LOXHD1: variants seen among roughly 807,000 people sequenced by gnomAD.
LOXHD1 encodes the protein lipoxygenase homology domain-containing protein 1.
Under a neutral mutation model 248.2 loss-of-function variants are expected in LOXHD1, and 205 were observed. That is an observed-to-expected ratio of 0.83 (90% confidence interval 0.74 to 0.93). The LOEUF is 0.93. Among genes scored for constraint, LOXHD1 ranks in the 40% least tolerant of loss-of-function variants. The probability of loss-of-function intolerance (pLI) is 0.00; values close to 1 mark genes in which losing one functional copy is unlikely to be tolerated. For synonymous variants in LOXHD1, 1,113 were observed against 1,162.8 expected, an observed-to-expected ratio of 0.96 and a Z score of 0.87; for missense variants, 2,930 against 2,971.6, an observed-to-expected ratio of 0.99 and a Z score of 0.33.
At chr18:46,606,715 C>A (rs907138829) in intron 6 of LOXHD1, among the ~76,000 whole-genome samples, 1 of 151,968 alleles carries the variant, frequency 6.6e-6, no homozygotes, top group African/African-American at 2.4e-5. Flanking sequence ...TATATTCAAC[C>A]TGTATAGCAT....
chr18:46,631,471 C>G (rs2038821559), intron 4 of LOXHD1, among the ~76,000 whole-genome samples: 1 of 152,160 alleles, frequency 6.6e-6, no homozygotes, highest in Non-Finnish European at 1.5e-5. Context: ...GTGGCACAGA[C>G]TTTCCTCACA....
intron 34 of LOXHD1, among the ~76,000 whole-genome samples, chr18:46,517,445 T>C (rs2035313995): frequency 1.3e-5 from 2 of 152,190 alleles, no homozygotes; most frequent in Non-Finnish European, 2.9e-5. Flanking sequence ...GGGATGATAA[T>C]AATTGGGTTA....
At chr18:46,498,527 T>A (rs2034019276) in intron 37 of LOXHD1, among the ~76,000 whole-genome samples, 3 of 152,232 alleles carry the variant, frequency 2.0e-5, no homozygotes. Context: ...ATTCTGTCTC[T>A]GAATGCTCTA....
chr18:46,633,494 T>C (rs1048734814), intron 4 of LOXHD1, among the ~76,000 whole-genome samples: 1 of 152,122 alleles, frequency 6.6e-6, no homozygotes, highest in Non-Finnish European at 1.5e-5. Context: ...AAGACCTAAA[T>C]GTAACAACAA....
At position 46,566,413 on chromosome 18, in the gene LOXHD1, T is replaced by A; in HGVS notation, c.2281A>T (p.Met761Leu). Residue 761 changes from methionine to leucine, a missense_variant, in exon 17 of 41, where the codon ATG becomes TTG. By Grantham distance (15) the Met-to-Leu change is conservative (BLOSUM62 2). Transcript: ENST00000642948. Reference sequence around the variant, plus strand: ...CTGCCCAGGAACCAGCTGGCATGCATGCCAGTGCTGTCATGCCCAATCACC... The same window carrying A: ...CTGCCCAGGAACCAGCTGGCATGCAAGCCAGTGCTGTCATGCCCAATCACC... ...RLVIGHDSTG[M>L]HASWFLGSVQ... 1.9e-6 allele frequency: 3 copies of A among 1,551,118 alleles called. No individual in the cohort carries two copies. Among genetic ancestry groups the A allele is most frequent in the Non-Finnish European group, 2.6e-6 (3 of 1,147,002 alleles).
At chr18:46,611,067 C>G (rs1165506977) in intron 5 of LOXHD1, 143 bp from the exon 6 acceptor site, 6 of 932,886 alleles carry the variant, frequency 6.4e-6, no homozygotes, top group Admixed American at 5.4e-5. Context: ...TCCTTACATC[C>G]CTCCAGTCTC....
chr18:46,503,493 G>A (rs988582436), intron 37 of LOXHD1, among the ~76,000 whole-genome samples: 18 of 152,186 alleles, frequency 1.2e-4, no homozygotes, highest in Non-Finnish European at 1.9e-4. Context: ...ATTTTGTGAA[G>A]TGTCTGGGGC....
At chr18:46,488,344 G>A (rs1370134853) in intron 38 of LOXHD1, among the ~76,000 whole-genome samples, 1 of 152,214 alleles carries the variant, frequency 6.6e-6, no homozygotes, top group Non-Finnish European at 1.5e-5. Flanking sequence ...TGAAGACACT[G>A]AGATTTAGGG....
intron 34 of LOXHD1, among the ~76,000 whole-genome samples, chr18:46,511,412 T>G (rs1025839317): frequency 2.6e-5 from 4 of 152,182 alleles, no homozygotes; most frequent in African/African-American, 9.7e-5. Context: ...GTTCATCTAC[T>G]CAAAGGATCC....
chr18:46,496,015 G>C (rs954368795), intron 37 of LOXHD1, among the ~76,000 whole-genome samples: 4 of 152,184 alleles, frequency 2.6e-5, no homozygotes, highest in Admixed American at 6.5e-5. Context: ...CTGGGTGACA[G>C]AGTGAAACTC....
At chr18:46,558,690 G>C (rs1338679585) in intron 20 of LOXHD1, among the ~76,000 whole-genome samples, 1 of 152,180 alleles carries the variant, frequency 6.6e-6, no homozygotes, top group Non-Finnish European at 1.5e-5. Flanking sequence ...GAATGGGAAG[G>C]GTGAGATAAG....
intron 4 of LOXHD1, among the ~76,000 whole-genome samples, chr18:46,627,863 C>T (rs182598834): frequency 3.3e-4 from 51 of 152,340 alleles, no homozygotes; most frequent in African/African-American, 1.1e-3. Flanking sequence ...GGCCTGGGCG[C>T]CATACCCCAC....
chr18:46,586,427 T>C (rs2038061428), intron 12 of LOXHD1, among the ~76,000 whole-genome samples: 1 of 54,364 alleles, frequency 1.8e-5, no homozygotes. Flanking sequence ...TTAATATAGC[T>C]GTTGTTTTTT....
chr18:46,561,077 G>C (rs1467200751), intron 18 of LOXHD1, among the ~76,000 whole-genome samples: 1 of 152,104 alleles, frequency 6.6e-6, no homozygotes, highest in African/African-American at 2.4e-5. Flanking sequence ...AAACAAAAGT[G>C]CTCTTTTTCA....
At chr18:46,647,572 T>C (rs1438634166) in intron 2 of LOXHD1, among the ~76,000 whole-genome samples, 1 of 152,182 alleles carries the variant, frequency 6.6e-6, no homozygotes, top group African/African-American at 2.4e-5. Flanking sequence ...GATGGAGGTT[T>C]CATGTATTCT....
At chr18:46,489,901 C>A (rs1364523341) in intron 37 of LOXHD1, among the ~76,000 whole-genome samples, 2 of 152,240 alleles carry the variant, frequency 1.3e-5, no homozygotes, top group Non-Finnish European at 2.9e-5. Context: ...AGCTGTTCAA[C>A]AATCATAGAA....
intron 4 of LOXHD1, among the ~76,000 whole-genome samples, chr18:46,629,571 C>T (rs575088116): frequency 1.6e-3 from 241 of 152,214 alleles, no homozygotes; most frequent in Non-Finnish European, 2.3e-3. Context: ...CTGGGCACTA[C>T]GCCCAACATG....
intron 26 of LOXHD1, among the ~76,000 whole-genome samples, chr18:46,536,844 T>C (rs1422989869): frequency 6.6e-6 from 1 of 152,122 alleles, no homozygotes; most frequent in Non-Finnish European, 1.5e-5. Flanking sequence ...GCCCTGGGCT[T>C]TGTTTCCTAT....
At chr18:46,647,434 T>A (rs1031440926) in intron 2 of LOXHD1, among the ~76,000 whole-genome samples, 3 of 152,118 alleles carry the variant, frequency 2.0e-5, no homozygotes, top group Non-Finnish European at 4.4e-5. Flanking sequence ...AGGACCACCA[T>A]CAAAGGAGAA....
Sources: allele counts gnomAD v4.1 joint callset (sites outside exome capture counted in the v4.1 genomes callset), GRCh38; gene constraint gnomAD v4.1.1; transcripts MANE v1.5; gene names NCBI Gene and HGNC (gene_info 2026-07-23, HGNC 2026-07-21).